The following LINGO2 variants were observed in gnomAD, a reference collection of about 807,000 sequenced individuals.
LINGO2 encodes the protein leucine-rich repeat and immunoglobulin-like domain-containing nogo receptor-interacting protein 2.
In LINGO2, 14 loss-of-function variants were observed where a neutral mutation model predicts 30.6. The ratio of observed to expected loss-of-function variants is 0.46; its 90% confidence interval spans 0.30 to 0.72. The LOEUF is 0.72. Among genes scored for constraint, LINGO2 ranks in the 30% least tolerant of loss-of-function variants. The pLI is 0.07. For synonymous variants in LINGO2, 317 were observed against 288.5 expected, an observed-to-expected ratio of 1.10 and a Z score of -1.00; for missense variants, 729 against 751.7, an observed-to-expected ratio of 0.97 and a Z score of 0.35.
the LINGO2 span, among the ~76,000 whole-genome samples, chr9:28,683,190 T>C: frequency 6.6e-6 from 1 of 152,176 alleles, no homozygotes; most frequent in Admixed American, 6.5e-5. Flanking sequence ...GCCCATACCC[T>C]ATTGTATTGC....
At chr9:28,936,557 C>T in the LINGO2 span, among the ~76,000 whole-genome samples, 9 of 152,222 alleles carry the variant, frequency 5.9e-5, no homozygotes, top group East Asian at 1.9e-4. Flanking sequence ...CACATGCAAC[C>T]GAACTACATT....
intron 4 of LINGO2, among the ~76,000 whole-genome samples, chr9:28,173,406 A>G (rs1250498660): frequency 6.6e-6 from 1 of 152,184 alleles, no homozygotes; most frequent in Admixed American, 6.5e-5. Context: ...GAAAATTGGA[A>G]GGTGAGATAT....
At chr9:29,081,242 T>C in the LINGO2 span, among the ~76,000 whole-genome samples, 1 of 152,084 alleles carries the variant, frequency 6.6e-6, no homozygotes. Context: ...TCAAGTGGGC[T>C]TCATCCATCC....
chr9:27,995,746 C>T (rs1821630034), intron 5 of LINGO2, among the ~76,000 whole-genome samples: 1 of 152,126 alleles, frequency 6.6e-6, no homozygotes, highest in African/African-American at 2.4e-5. Flanking sequence ...TATGGACAAA[C>T]ACACAGCTAA....
chr9:29,133,542 T>C, the LINGO2 span, among the ~76,000 whole-genome samples: 1 of 152,258 alleles, frequency 6.6e-6, no homozygotes, highest in South Asian at 2.1e-4. Flanking sequence ...CACAGGAACT[T>C]GGTATTATGG....
chr9:29,098,824 G>A, the LINGO2 span, among the ~76,000 whole-genome samples: 1 of 152,072 alleles, frequency 6.6e-6, no homozygotes, highest in African/African-American at 2.4e-5. Context: ...TAAAGTAAGT[G>A]TAGTAGGACA....
chr9:27,988,041 C>T (rs1054635950), intron 5 of LINGO2, among the ~76,000 whole-genome samples: 2 of 151,996 alleles, frequency 1.3e-5, no homozygotes, highest in Admixed American at 1.3e-4. Flanking sequence ...TGTGATGTTC[C>T]CCTTCCTGTG....
intron 2 of LINGO2, among the ~76,000 whole-genome samples, chr9:28,475,511 T>C (rs1825694982): frequency 6.6e-6 from 1 of 152,176 alleles, no homozygotes. Flanking sequence ...GTTGAAATAA[T>C]ACACGAAAGT....
the LINGO2 span, among the ~76,000 whole-genome samples, chr9:28,947,318 G>T: frequency 6.6e-6 from 1 of 152,012 alleles, no homozygotes; most frequent in South Asian, 2.1e-4. Context: ...CATCCAAGGA[G>T]GCAGCATGGC....
chr9:29,135,669 T>G, the LINGO2 span, among the ~76,000 whole-genome samples: 2 of 152,126 alleles, frequency 1.3e-5, no homozygotes, highest in African/African-American at 4.8e-5. Flanking sequence ...AGCACAAAAT[T>G]TGCCATCTTG....
At chr9:27,973,085 T>A (rs547082923) in intron 5 of LINGO2, among the ~76,000 whole-genome samples, 1 of 152,308 alleles carries the variant, frequency 6.6e-6, no homozygotes, top group East Asian at 1.9e-4. Context: ...CTGGCTTTCC[T>A]GGTTTTCCGG....
chr9:28,421,887 A>T (rs1823212926), intron 2 of LINGO2, among the ~76,000 whole-genome samples: 1 of 152,080 alleles, frequency 6.6e-6, no homozygotes, highest in South Asian at 2.1e-4. Context: ...TTTCCACAAG[A>T]GCGACAAGAC....
the LINGO2 span, among the ~76,000 whole-genome samples, chr9:29,098,746 T>C: frequency 1.3e-5 from 2 of 152,176 alleles, no homozygotes; most frequent in Admixed American, 6.6e-5. Context: ...AAGCCTTTGA[T>C]ACTTTTTATG....
At chr9:28,848,363 TTGTGTGTGTG>T in the LINGO2 span, among the ~76,000 whole-genome samples, 1,233 of 74,646 alleles carry the variant, frequency 0.017, 52 homozygotes, top group African/African-American at 0.054. Context: ...TACACATATA[TTGTGTGTGTG>T]TGTGTGTGTG....
chr9:28,972,518 T>G, the LINGO2 span, among the ~76,000 whole-genome samples: 1 of 152,066 alleles, frequency 6.6e-6, no homozygotes, highest in Non-Finnish European at 1.5e-5. Context: ...TGAAAAATAC[T>G]CTGAAGAATG....
At chr9:28,617,260 T>C (rs1826170371) in intron 1 of LINGO2, among the ~76,000 whole-genome samples, 10 of 152,092 alleles carry the variant, frequency 6.6e-5, no homozygotes. Flanking sequence ...TTCTCCTCTT[T>C]CCGGCTAGTT....
intron 1 of LINGO2, among the ~76,000 whole-genome samples, chr9:28,518,484 C>T (rs1318795546): frequency 1.3e-5 from 2 of 152,058 alleles, no homozygotes; most frequent in Admixed American, 1.3e-4. Context: ...ATGAAAAATA[C>T]CAGATCCAAG....
chr9:28,042,849 T>C (rs1027395296), intron 4 of LINGO2, among the ~76,000 whole-genome samples: 1 of 152,154 alleles, frequency 6.6e-6, no homozygotes, highest in Non-Finnish European at 1.5e-5. Flanking sequence ...GAGTTCTGAT[T>C]AATATCGAGA....
intron 1 of LINGO2, among the ~76,000 whole-genome samples, chr9:28,656,522 G>C (rs1234897084): frequency 6.6e-6 from 1 of 151,962 alleles, no homozygotes; most frequent in Non-Finnish European, 1.5e-5. Context: ...CTAATCATAA[G>C]GAAACATCAG....
Sources: allele counts gnomAD v4.1 joint callset (sites outside exome capture counted in the v4.1 genomes callset), GRCh38; gene constraint gnomAD v4.1.1; transcripts MANE v1.5; gene names NCBI Gene and HGNC (gene_info 2026-07-23, HGNC 2026-07-21).